The following THADA variants were observed in gnomAD, a reference collection of about 807,000 sequenced individuals.
The protein encoded by THADA is THADA armadillo repeat containing, also known as tRNA (32-2'-O)-methyltransferase regulator THADA.
In THADA, 213 loss-of-function variants were observed where a neutral mutation model predicts 219.8. The ratio of observed to expected loss-of-function variants is 0.97; its 90% CI spans 0.87 to 1.09. The LOEUF is 1.09. Among genes scored for constraint, THADA ranks in the 50% least tolerant of loss-of-function variants. The pLI is 0.00. For missense variants in THADA, 2,956 were observed against 2,311.3 expected, an observed-to-expected ratio of 1.28 and a Z score of -5.72; for synonymous variants, 1,018 against 828.9, an observed-to-expected ratio of 1.23 and a Z score of -3.92.
rs549916580 is a variant in THADA, at chr2:43,595,121, A to T, written c.-25+810T>A. Among the ~76,000 whole-genome samples the T allele has an allele frequency of 5.3e-5, 8 of 152,370 alleles. No homozygotes were observed. In the East Asian group the frequency reaches 1.5e-3, roughly 29 times the overall value. On this transcript the variant is annotated intron_variant, in intron 1 of 37. Transcript: ENST00000405975. The stretch of plus-strand genomic sequence containing the variant: ...CACGAATAAACAAATTAATTAACAA[A>T]CATTTGTCAGAGATGTTCTAGAAGG...
At chr2:43,480,564 C>A (rs959215586) in intron 26 of THADA, among the ~76,000 whole-genome samples, 2 of 152,098 alleles carry the variant, frequency 1.3e-5, no homozygotes, top group African/African-American at 4.8e-5. Flanking sequence ...ATAATCCCAG[C>A]ACTTTGGGAG....
intron 30 of THADA, among the ~76,000 whole-genome samples, chr2:43,329,054 G>A (rs1679664721): frequency 6.6e-6 from 1 of 152,172 alleles, no homozygotes. Context: ...TTCAAAGCCT[G>A]GGGAAACTGT....
chr2:43,398,471 G>A (rs1460687405), intron 28 of THADA, among the ~76,000 whole-genome samples: 1 of 152,162 alleles, frequency 6.6e-6, no homozygotes, highest in Non-Finnish European at 1.5e-5. Context: ...ACCATGATAA[G>A]TGCCATAAAA....
chr2:43,396,820 G>A (rs1558692901), intron 29 of THADA, among the ~76,000 whole-genome samples: 1 of 151,668 alleles, frequency 6.6e-6, no homozygotes, highest in African/African-American at 2.4e-5. Context: ...CAAAAAAAAA[G>A]AAGAAAGAAA....
rs148889186 is a variant in THADA, at chr2:43,345,110, T to C, written c.4228-873A>G. Among the ~76,000 whole-genome samples, 254 of 152,320 alleles carry C rather than the reference T, an allele frequency of 1.7e-3. 1 individual carries two copies. The highest frequency in any genetic ancestry group is 5.9e-3 in the African/African-American group (247 of 41,554). ...ATAAACACACTAAGAACTCTGAAAG[T>C]CTATTTTAATAACATCTGTTTTCTT... On this transcript the variant is annotated intron_variant, in intron 29 of 37. Coordinates refer to ENST00000405975, the MANE Select transcript of THADA (RefSeq NM_022065.5).
At chr2:43,590,717 T>C (rs1479623768) in intron 4 of THADA, 107 bp downstream of exon 4, 6 of 1,194,018 alleles carry the variant, frequency 5.0e-6, no homozygotes, top group Non-Finnish European at 7.1e-6. Context: ...AATGAACTTT[T>C]TGTGATCTGT....
intron 28 of THADA, among the ~76,000 whole-genome samples, chr2:43,406,572 G>A (rs186594892): frequency 6.6e-6 from 1 of 152,302 alleles, no homozygotes; most frequent in East Asian, 1.9e-4. Context: ...CTATACCTTA[G>A]CAATAATTCT....
intron 26 of THADA, among the ~76,000 whole-genome samples, chr2:43,484,614 C>T (rs1047882934): frequency 2.6e-5 from 4 of 152,090 alleles, no homozygotes; most frequent in Non-Finnish European, 5.9e-5. Flanking sequence ...GCATTTTTAT[C>T]TAAAAACTAC....
intron 26 of THADA, among the ~76,000 whole-genome samples, chr2:43,481,170 C>A (rs536092772): frequency 1.3e-5 from 2 of 149,494 alleles, no homozygotes; most frequent in African/African-American, 4.9e-5. Flanking sequence ...GGATTAGATG[C>A]CCCTTGAAGG....
intron 36 of THADA, among the ~76,000 whole-genome samples, chr2:43,248,557 A>C (rs910792134): frequency 2.6e-5 from 4 of 152,212 alleles, no homozygotes; most frequent in African/African-American, 9.7e-5. Context: ...TTAAGGAATT[A>C]AACTGGATTG....
rs1318953385 is a variant in THADA, at chr2:43,293,302, G to C, written c.4439-89C>G. ...AAAGAATGAAGACTGAATCCACTGC[G>C]TGAGGCCATCAGATGTCTCCCATAA... On this transcript the variant is annotated intron_variant, in intron 31 of 37. Coordinates refer to ENST00000405975, the MANE Select transcript of THADA (RefSeq NM_022065.5). 9 of 1,428,644 alleles carry C rather than the reference G, an allele frequency of 6.3e-6. No individual in the cohort carries two copies. In the East Asian group the frequency reaches 1.8e-4, roughly 29 times the overall value. 88.5% of individuals were successfully genotyped at this position (1,428,644 alleles called of 1,614,324 possible).
intron 31 of THADA, among the ~76,000 whole-genome samples, chr2:43,316,888 T>C (rs954614406): frequency 1.3e-5 from 2 of 152,236 alleles, no homozygotes; most frequent in Admixed American, 1.3e-4. Context: ...GATTGTGCCA[T>C]TGTACTCCAG....
intron 25 of THADA, among the ~76,000 whole-genome samples, chr2:43,497,688 C>A (rs765380306): frequency 2.0e-4 from 30 of 152,256 alleles, no homozygotes; most frequent in South Asian, 4.1e-4. Context: ...AGTTCGAGAC[C>A]AGCCTGGCTA....
At chr2:43,538,749 C>T (rs751972000) in intron 21 of THADA, among the ~76,000 whole-genome samples, 1 of 152,198 alleles carries the variant, frequency 6.6e-6, no homozygotes, top group South Asian at 2.1e-4. Flanking sequence ...GGTTCAGCTT[C>T]CTCTTGTCCA....
intron 24 of THADA, among the ~76,000 whole-genome samples, chr2:43,499,491 C>T (rs1018739759): frequency 5.9e-5 from 9 of 152,160 alleles, no homozygotes; most frequent in African/African-American, 2.2e-4. Flanking sequence ...ATTCTCCTGC[C>T]TCAGCCTCCC....
intron 30 of THADA, among the ~76,000 whole-genome samples, chr2:43,337,927 G>C (rs1666651402): frequency 6.6e-6 from 1 of 152,052 alleles, no homozygotes; most frequent in Admixed American, 6.5e-5. Context: ...AGATGCACAG[G>C]TGGTAAAACT....
chr2:43,394,276 T>C (rs1673757756), intron 29 of THADA, among the ~76,000 whole-genome samples: 1 of 152,246 alleles, frequency 6.6e-6, no homozygotes, highest in South Asian at 2.1e-4. Flanking sequence ...ATGTTCTTTT[T>C]TGCATGTGCT....
chr2:43,286,415 G>C (rs546387186), intron 35 of THADA, among the ~76,000 whole-genome samples: 1 of 152,120 alleles, frequency 6.6e-6, no homozygotes, highest in Admixed American at 6.5e-5. Context: ...AAAAGTTTAG[G>C]GGTAAGGCTG....
chr2:43,322,965 C>T (rs1189671470), intron 30 of THADA, among the ~76,000 whole-genome samples: 6 of 152,058 alleles, frequency 3.9e-5, no homozygotes, highest in East Asian at 1.9e-4. Context: ...GGATTACAGG[C>T]GTGAGCCACC....
Sources: allele counts gnomAD v4.1 joint callset (sites outside exome capture counted in the v4.1 genomes callset), GRCh38; gene constraint gnomAD v4.1.1; transcripts MANE v1.5; gene names NCBI Gene and HGNC (gene_info 2026-07-23, HGNC 2026-07-21).